MYO7A: variants seen among roughly 807,000 people sequenced by gnomAD.
MYO7A encodes unconventional myosin-VIIa.
A neutral mutation model predicts 263.8 loss-of-function variants in MYO7A; 210 were observed. The ratio of observed to expected loss-of-function variants is 0.80; its 90% CI spans 0.71 to 0.89. The LOEUF (loss-of-function observed/expected upper bound fraction) is 0.89. Among genes scored for constraint, MYO7A ranks in the 40% least tolerant of loss-of-function variants. MYO7A has a pLI of 0.00. For synonymous variants in MYO7A, 1,239 were observed against 1,197.3 expected (o/e 1.03, Z -0.72); for missense variants, 2,820 against 2,968.3 (o/e 0.95, Z 1.16).
intron 27 of MYO7A, among the ~76,000 whole-genome samples, chr11:77,187,944 C>T (rs373742376): frequency 6.6e-6 from 1 of 152,298 alleles, no homozygotes; most frequent in East Asian, 1.9e-4. Flanking sequence ...ACTACCTCAC[C>T]GGGGTGGCCA....
At chr11:77,173,012 C>G (rs1016825534) in intron 16 of MYO7A, 127 bp downstream of exon 16, 1 of 1,335,896 alleles carries the variant, frequency 7.5e-7, no homozygotes, top group African/African-American at 1.5e-5. Flanking sequence ...GGGGGCACCC[C>G]GGGAGCTTAC....
chr11:77,171,653 A>G (rs1261022166), intron 15 of MYO7A, among the ~76,000 whole-genome samples: 2 of 152,260 alleles, frequency 1.3e-5, no homozygotes, highest in African/African-American at 2.4e-5. Flanking sequence ...ACAGGATATC[A>G]GATGAAATGA....
rs142580128 is a variant in MYO7A at position 77,155,617 on chromosome 11, A to G, written c.286-290A>G. Among the ~76,000 whole-genome samples the G allele has an allele frequency of 2.6e-3, 403 of 152,292 alleles. 2 individuals are homozygous for G. Among genetic ancestry groups the G allele is most frequent in the African/African-American group, 8.7e-3 (361 of 41,560 alleles). On this transcript the variant is annotated intron_variant, in intron 4 of 48. Coordinates refer to ENST00000409709, the MANE Select transcript of MYO7A (RefSeq NM_000260.4). ...ATACCACCTCCTTTAATCTTCACAAACAGTTACGCTCATTTTACAGATGAA... is the reference window on the plus strand; with the variant it reads ...ATACCACCTCCTTTAATCTTCACAAGCAGTTACGCTCATTTTACAGATGAA...
intron 21 of MYO7A, 120 bp downstream of exon 21, chr11:77,180,073 C>G: frequency 9.3e-7 from 1 of 1,078,164 alleles, no homozygotes; most frequent in Non-Finnish European, 1.3e-6. Context: ...GTTATGCCTG[C>G]TCTGAGGAGT....
intron 17 of MYO7A, 104 bp from the exon 18 acceptor site, chr11:77,175,268 G>T: frequency 9.4e-7 from 1 of 1,068,444 alleles, no homozygotes; most frequent in East Asian, 2.4e-5. Flanking sequence ...TCGAGTCAGG[G>T]GCAGAGCTCG....
At chr11:77,212,022 A>G in intron 46 of MYO7A, 85 bp downstream of exon 46, 1 of 1,172,966 alleles carries the variant, frequency 8.5e-7, no homozygotes, top group Non-Finnish European at 1.3e-6. Context: ...ACTGTGGGAA[A>G]GAGCCATGGC....
chr11:77,202,523 C>T, intron 37 of MYO7A, 99 bp downstream of exon 37: 1 of 1,457,258 alleles, frequency 6.9e-7, no homozygotes, highest in Non-Finnish European at 9.2e-7. Context: ...GAAGCCCCCA[C>T]CTGTGAGCAG....
chr11:77,195,841 A>G (rs555528724), intron 32 of MYO7A, among the ~76,000 whole-genome samples: 2 of 152,342 alleles, frequency 1.3e-5, no homozygotes, highest in South Asian at 4.1e-4. Flanking sequence ...CAACAACAGA[A>G]ATAAATGTAT....
intron 15 of MYO7A, among the ~76,000 whole-genome samples, chr11:77,172,117 G>A (rs116639937): frequency 6.0e-4 from 92 of 152,194 alleles, no homozygotes; most frequent in African/African-American, 2.2e-3. Context: ...CCTCCTCCTC[G>A]CGCTTGCCCA....
Position 77,156,929 on chromosome 11 carries a change from CT to C in MYO7A, c.662del (p.Phe221SerfsTer42). 6.2e-7 allele frequency: 1 copy of C among 1,614,038 alleles called. No individual in the cohort carries two copies. ...SRFGKYIDIH[F>X]NKRGAIEGAK... ...GTTTCGGAAAGTACATCGACATCCA[CT>C]TCAACAAGCGGGGCGCCATCGAGGG... On this transcript the variant is annotated frameshift_variant, in exon 7 of 49. Coordinates refer to ENST00000409709, the MANE Select transcript of MYO7A (RefSeq NM_000260.4). LOFTEE classifies it high-confidence loss of function.
chr11:77,154,075 A>T (rs909909562), intron 4 of MYO7A, among the ~76,000 whole-genome samples: 10 of 152,178 alleles, frequency 6.6e-5, no homozygotes, highest in African/African-American at 2.4e-4. Context: ...AGATTGAGCC[A>T]CTGCACCCAG....
At chr11:77,213,160 T>C (rs766669750) in intron 47 of MYO7A, 125 bp downstream of exon 47, 15 of 761,914 alleles carry the variant, frequency 2.0e-5, no homozygotes, top group Non-Finnish European at 3.2e-5. Flanking sequence ...ACCCATCACG[T>C]GGCTTCAAAA....
At chr11:77,133,955 G>A (rs538194441) in intron 2 of MYO7A, among the ~76,000 whole-genome samples, 1 of 152,110 alleles carries the variant, frequency 6.6e-6, no homozygotes, top group African/African-American at 2.4e-5. Flanking sequence ...TTGAGATGGA[G>A]TTTCACTCTT....
At position 77,138,288 on chromosome 11, in the gene MYO7A, CCGCCGT is replaced by C. The variant is rs1350130922; in HGVS notation, c.19-4411_19-4406del. The stretch of plus-strand genomic sequence containing the variant: ...GGTGAATTAGGGAGCCGGAGCAGTG[CCGCCGT>C]CGCCGTCGCAGCGCCATGGAGGACC... On this transcript the variant is annotated intron_variant, in intron 2 of 48. Transcript: ENST00000409709. The surrounding 1 kb of genome is among the most constrained non-coding windows in gnomAD (Gnocchi z 4.9). Among the ~76,000 whole-genome samples the C allele has an allele frequency of 1.8e-4, 28 of 152,188 alleles. No individual in the cohort carries two copies. In the East Asian group the frequency reaches 2.1e-3, roughly 12 times the overall value.
intron 3 of MYO7A, among the ~76,000 whole-genome samples, chr11:77,147,266 T>G (rs528391073): frequency 6.6e-6 from 1 of 151,980 alleles, no homozygotes; most frequent in Admixed American, 6.5e-5. Flanking sequence ...TCTTCCTTCA[T>G]GCCTCAGCTC....
intron 15 of MYO7A, among the ~76,000 whole-genome samples, chr11:77,170,561 G>A (rs1270039112): frequency 2.0e-5 from 3 of 152,202 alleles, no homozygotes; most frequent in Admixed American, 2.0e-4. Context: ...TTGGACTGCT[G>A]TGTTGAGAGT....
Position 77,147,826 on chromosome 11 carries a change from C to T in MYO7A, c.161C>T (p.Thr54Met), listed in dbSNP as rs782568869. 3.7e-6 allele frequency: 6 copies of T among 1,610,504 alleles called. No individual in the cohort carries two copies. Among genetic ancestry groups the T allele is most frequent in the East Asian group, 4.5e-5 (2 of 44,798 alleles). The change falls in exon 4 of 49, where the codon ACG becomes ATG. Residue 54 changes from threonine to methionine, a missense_variant. Coordinates refer to ENST00000409709, the MANE Select transcript of MYO7A (RefSeq NM_000260.4). ...NEHWISPQNATHIKPMHPTSV... is the reference protein window; with the variant it reads ...NEHWISPQNAMHIKPMHPTSV... ...CACTGGATCTCTCCGCAGAACGCAA[C>T]GCACATCAAGCCTATGCACCCCACG... is the stretch of plus-strand genomic sequence containing the variant.
At chr11:77,210,005 C>T (rs541063373) in intron 44 of MYO7A, among the ~76,000 whole-genome samples, 1 of 152,340 alleles carries the variant, frequency 6.6e-6, no homozygotes, top group East Asian at 1.9e-4. Context: ...GATGCTCTTC[C>T]CTCAGTTCCT....
At chr11:77,212,235 T>G (rs1457826700) in intron 46 of MYO7A, 3 of 536,274 alleles carry the variant, frequency 5.6e-6, no homozygotes, top group Non-Finnish European at 1.1e-5. Flanking sequence ...GTGGCAGAGC[T>G]CGGGAGGCTC....
Sources: gnomAD v4.1 joint callset for allele counts (sites outside exome capture counted in the v4.1 genomes callset) on GRCh38, gnomAD v4.1.1 for gene constraint, Gnocchi (gnomAD v3.1) non-coding constraint, MANE v1.5 for transcripts, NCBI Gene and HGNC (gene_info 2026-07-23, HGNC 2026-07-21) for gene names.